The following EPHA6 variants were observed in gnomAD, a reference collection of about 807,000 sequenced individuals.
EPHA6 encodes EPH receptor A6, also known as ephrin type-A receptor 6.
A neutral mutation model predicts 112.0 loss-of-function variants in EPHA6; 50 were observed. The observed-to-expected ratio is 0.45, with a 90% CI of 0.36 to 0.56. The LOEUF (loss-of-function observed/expected upper bound fraction) is 0.56, where lower values mean the gene tolerates loss of function less well. EPHA6 is among the 20% of genes least tolerant of loss of function. The pLI, the probability that EPHA6 is intolerant of heterozygous loss-of-function variation, is 0.00. For synonymous variants in EPHA6, 529 were observed against 490.7 expected (o/e 1.08, Z -1.03); for missense variants, 1,280 against 1,417.4 (o/e 0.90, Z 1.56).
At chr3:97,117,174 T>G (rs1230535006) in intron 3 of EPHA6, among the ~76,000 whole-genome samples, 1 of 151,696 alleles carries the variant, frequency 6.6e-6, no homozygotes, top group African/African-American at 2.4e-5. Context: ...AATTGAGTCA[T>G]TTGTTTTCTT....
intron 1 of EPHA6, among the ~76,000 whole-genome samples, chr3:96,865,090 T>C (rs1246121599): frequency 6.6e-6 from 1 of 152,024 alleles, no homozygotes; most frequent in Non-Finnish European, 1.5e-5. Context: ...CATTGTACTG[T>C]TTTTTACTAC....
intron 5 of EPHA6, among the ~76,000 whole-genome samples, chr3:97,270,239 A>G (rs2079833834): frequency 6.6e-6 from 1 of 152,178 alleles, no homozygotes; most frequent in Non-Finnish European, 1.5e-5. Context: ...AAAAATCTTT[A>G]CCCCTACTGA....
At chr3:96,909,881 T>A (rs1307509544) in intron 2 of EPHA6, among the ~76,000 whole-genome samples, 3 of 152,000 alleles carry the variant, frequency 2.0e-5, no homozygotes, top group Non-Finnish European at 2.9e-5. Flanking sequence ...CAAGGTTCTG[T>A]GTATCTCTGA....
chr3:96,905,789 T>A (rs2038901708), intron 2 of EPHA6, among the ~76,000 whole-genome samples: 1 of 152,102 alleles, frequency 6.6e-6, no homozygotes, highest in African/African-American at 2.4e-5. Flanking sequence ...ATATACCGTT[T>A]GTAGATGTTT....
At chr3:97,520,929 G>A (rs1040636379) in intron 10 of EPHA6, among the ~76,000 whole-genome samples, 2 of 151,844 alleles carry the variant, frequency 1.3e-5, no homozygotes, top group Admixed American at 1.3e-4. Context: ...ACTGGTTTTT[G>A]TGAAAAGACC....
chr3:96,980,889 C>T (rs1228114818), intron 2 of EPHA6, among the ~76,000 whole-genome samples: 1 of 152,058 alleles, frequency 6.6e-6, no homozygotes. Flanking sequence ...GTGATTTTTG[C>T]ACATTGATTT....
intron 5 of EPHA6, among the ~76,000 whole-genome samples, chr3:97,349,720 A>G (rs9852268): frequency 0.022 from 3,280 of 152,066 alleles, 136 homozygotes; most frequent in African/African-American, 0.075. Context: ...GAAAAGTATC[A>G]GTTTTGCCCA....
At chr3:96,949,868 G>A (rs2041451862) in intron 2 of EPHA6, among the ~76,000 whole-genome samples, 1 of 152,022 alleles carries the variant, frequency 6.6e-6, no homozygotes, top group African/African-American at 2.4e-5. Flanking sequence ...CTGTAGCCCA[G>A]ACTTTTTCCT....
At chr3:97,460,907 T>C (rs1304402651) in intron 7 of EPHA6, among the ~76,000 whole-genome samples, 2 of 152,138 alleles carry the variant, frequency 1.3e-5, no homozygotes, top group East Asian at 1.9e-4. Flanking sequence ...CCAAGCTCCA[T>C]TGCAGAATCT....
chr3:97,388,591 T>C (rs1168305209), intron 5 of EPHA6, among the ~76,000 whole-genome samples: 1 of 152,148 alleles, frequency 6.6e-6, no homozygotes. Flanking sequence ...TTTGTGATAA[T>C]GTCTGTTTAG....
chr3:97,439,367 A>G (rs1013419335), intron 6 of EPHA6, among the ~76,000 whole-genome samples: 2 of 152,156 alleles, frequency 1.3e-5, no homozygotes, highest in African/African-American at 2.4e-5. Flanking sequence ...TTACTTATAC[A>G]TATTTTGCAA....
chr3:97,542,615 T>C (rs996326642), intron 11 of EPHA6, among the ~76,000 whole-genome samples: 7 of 152,234 alleles, frequency 4.6e-5, no homozygotes, highest in African/African-American at 1.2e-4. Context: ...TACCCAGTAA[T>C]GGGATTCGTG....
chr3:97,382,296 T>C (rs1343025477), intron 5 of EPHA6, among the ~76,000 whole-genome samples: 1 of 152,106 alleles, frequency 6.6e-6, no homozygotes, highest in African/African-American at 2.4e-5. Context: ...CTTATGGTCT[T>C]GTTTGACAGA....
In EPHA6 at chr3:97,163,517, T is replaced by C. The variant is rs540412577; in HGVS notation, c.1115-62747T>C. Reference sequence around the variant, plus strand: ...GTCTTTATACATTTAGAAAACTCAGTAGGTCTTTTGGAATATAGGACACCT... The same window carrying C: ...GTCTTTATACATTTAGAAAACTCAGCAGGTCTTTTGGAATATAGGACACCT... On this transcript the variant is annotated intron_variant, in intron 3 of 17. Transcript: ENST00000389672. 3.9e-5 allele frequency among the ~76,000 whole-genome samples: 6 copies of C among 152,300 alleles called. No individual in the cohort carries two copies. The East Asian group carries it at 5.8e-4, about 15-fold the overall frequency.
chr3:97,145,639 T>C (rs1247899258), intron 3 of EPHA6, among the ~76,000 whole-genome samples: 4 of 151,698 alleles, frequency 2.6e-5, no homozygotes, highest in Non-Finnish European at 4.4e-5. Flanking sequence ...TCATTTGTCA[T>C]TGAAAGAATT....
intron 3 of EPHA6, among the ~76,000 whole-genome samples, chr3:97,110,813 G>A (rs2047700879): frequency 6.6e-6 from 1 of 152,020 alleles, no homozygotes; most frequent in Admixed American, 6.6e-5. Flanking sequence ...ATAGGTGTGA[G>A]CCACCATGCC....
chr3:97,551,838 A>G (rs2093033394), intron 11 of EPHA6, among the ~76,000 whole-genome samples: 2 of 152,162 alleles, frequency 1.3e-5, no homozygotes, highest in South Asian at 4.1e-4. Flanking sequence ...GGGGAATACA[A>G]GTCTGGAAAG....
At chr3:96,968,501 G>A (rs925171089) in intron 2 of EPHA6, among the ~76,000 whole-genome samples, 3 of 151,062 alleles carry the variant, frequency 2.0e-5, no homozygotes, top group Non-Finnish European at 4.4e-5. Flanking sequence ...TAAGAATATT[G>A]GATTAATTAG....
intron 5 of EPHA6, among the ~76,000 whole-genome samples, chr3:97,368,051 T>C (rs1477285915): frequency 6.6e-6 from 1 of 152,186 alleles, no homozygotes; most frequent in Admixed American, 6.5e-5. Context: ...AGCTCAAAAT[T>C]TACATGTTCT....
Sources: allele counts gnomAD v4.1 joint callset (sites outside exome capture counted in the v4.1 genomes callset), GRCh38; gene constraint gnomAD v4.1.1; transcripts MANE v1.5; gene names NCBI Gene and HGNC (gene_info 2026-07-23, HGNC 2026-07-21).